Variants in MELTF observed in about 807,000 individuals in gnomAD.
MELTF encodes the protein antigen p97 (melanoma associated) identified by monoclonal antibodies 133.2 and 96.5.
A neutral mutation model predicts 83.7 loss-of-function variants in MELTF; 67 were observed. That is an observed-to-expected ratio of 0.80 (90% CI 0.66 to 0.98). The LOEUF (loss-of-function observed/expected upper bound fraction) is 0.98, where lower values mean the gene tolerates loss of function less well. Among genes scored for constraint, MELTF ranks in the 50% least tolerant of loss-of-function variants. The pLI is 0.00. For missense variants in MELTF, 1,002 were observed against 1,035.6 expected (o/e 0.97, Z 0.44); for synonymous variants, 462 against 447.6 (o/e 1.03, Z -0.41).
rs1490447860 is a variant in MELTF, at chr3:197,024,122, C to A, written c.487+181G>T. Among the ~76,000 whole-genome samples the A allele has an allele frequency of 7.6e-6, 1 of 132,314 alleles. No individual in the cohort carries two copies. Among genetic ancestry groups the A allele is most frequent in the African/African-American group, 2.8e-5 (1 of 35,858 alleles). The allele number at this position is 132,314 out of a possible 152,430, so 86.8% of individuals were successfully genotyped here. ...GGGTCCAAGCAAGCAGGAAGTCAAG[C>A]GGCGGCGCCGGCGGCAGAGTGGAGG... On this transcript the variant is annotated intron_variant, in intron 4 of 15. Coordinates refer to ENST00000296350, the MANE Select transcript of MELTF (RefSeq NM_005929.6). This position sits in a 1 kb window ranked among gnomAD's most constrained non-coding sequence, Gnocchi z 5.3.
In MELTF at chr3:197,006,016, C is replaced by A. The variant is rs894521312; in HGVS notation, c.1938+533G>T. Among the ~76,000 whole-genome samples the A allele has an allele frequency of 6.6e-6, 1 of 151,956 alleles. No individual in the cohort carries two copies. The highest frequency in any genetic ancestry group is 1.5e-5 in the Non-Finnish European group (1 of 67,960). Reference sequence around the variant, plus strand: ...TGGGCGGATCACGAGGTCAGGAGATCGAGACCATCCTGGCTAACACGGTGA... The same window carrying A: ...TGGGCGGATCACGAGGTCAGGAGATAGAGACCATCCTGGCTAACACGGTGA... On this transcript the variant is annotated intron_variant, in intron 14 of 15. Coordinates refer to ENST00000296350, the MANE Select transcript of MELTF (RefSeq NM_005929.6). The surrounding 1 kb of genome is among the most constrained non-coding windows in gnomAD (Gnocchi z 5.4).
chr3:197,008,620 C>A lies in MELTF; in HGVS notation c.1750+37G>T, dbSNP rs372133931. On this transcript the variant is annotated intron_variant, in intron 13 of 15. Coordinates refer to ENST00000296350, the MANE Select transcript of MELTF (RefSeq NM_005929.6). The surrounding 1 kb of genome is among the most constrained non-coding windows in gnomAD (Gnocchi z 5.4). Reference sequence around the variant, plus strand: ...GTGCTGAAGATGGGGAACAGTCCCCCCGACCTACCTTTGGCCCTGCTCTTG... The same window carrying A: ...GTGCTGAAGATGGGGAACAGTCCCCACGACCTACCTTTGGCCCTGCTCTTG... 183 of 1,597,720 alleles carry A rather than the reference C, an allele frequency of 1.1e-4. No homozygotes were observed. The African/African-American group carries it at 2.1e-3, about 18-fold the overall frequency.
chr3:197,025,674 G>A (rs1030716738), intron 3 of MELTF: 4 of 152,504 alleles, frequency 2.6e-5, no homozygotes, highest in Admixed American at 6.5e-5. Context: ...AGGAAGAGGT[G>A]CGTGGGGCCT....
At position 197,024,553 on chromosome 3, in the gene MELTF, G is replaced by A; in HGVS notation, c.305-68C>T. 2 of 1,413,412 alleles carry A rather than the reference G, an allele frequency of 1.4e-6. No individual in the cohort carries two copies. The highest frequency in any genetic ancestry group is 1.9e-6 in the Non-Finnish European group (2 of 1,041,180). The allele number at this position is 1,413,412 out of a possible 1,614,324, so 87.6% of individuals were successfully genotyped here. A position where few individuals can be genotyped will look rare whatever the true frequency, so the allele number is the denominator to read the frequency against. On this transcript the variant is annotated intron_variant, in intron 3 of 15. Coordinates refer to ENST00000296350, the MANE Select transcript of MELTF (RefSeq NM_005929.6). This position sits in a 1 kb window ranked among gnomAD's most constrained non-coding sequence, Gnocchi z 5.3. ...TCGAGAGAGGCTGCACCAGCACCCT[G>A]CCTGGGCGGGCTGTGGGAGAGGTGT...
At chr3:197,021,843 G>C (rs763863343) in intron 5 of MELTF, among the ~76,000 whole-genome samples, 1 of 152,168 alleles carries the variant, frequency 6.6e-6, no homozygotes, top group Non-Finnish European at 1.5e-5. Context: ...TCGGTTTTCT[G>C]TGTGTTTGTT....
intron 6 of MELTF, chr3:197,018,992 G>A (rs945545919): frequency 3.7e-5 from 36 of 985,016 alleles, no homozygotes; most frequent in Non-Finnish European, 4.1e-5. Flanking sequence ...AGACAAGGAG[G>A]AAAAAAACCT....
In MELTF at chr3:197,026,109, G is replaced by T. The variant is rs563108736; in HGVS notation, c.304+551C>A. The T allele has an allele frequency of 6.8e-4, 106 of 155,804 alleles. 2 individuals are homozygous for T. The South Asian group carries it at 0.02, about 29-fold the overall frequency. 9.7% of individuals were successfully genotyped at this position (155,804 alleles called of 1,614,324 possible). The stretch of plus-strand genomic sequence containing the variant: ...ACTTTCCAGCACATACCACATGTCA[G>T]GTGGGCACACGGCCTGGCTCATTTA... On this transcript the variant is annotated intron_variant, in intron 3 of 15. Coordinates refer to ENST00000296350, the MANE Select transcript of MELTF (RefSeq NM_005929.6).
In MELTF at chr3:197,021,398, A is replaced by G. The variant is rs1283756588; in HGVS notation, c.712+6T>C. The G allele has an allele frequency of 6.2e-7, 1 of 1,613,016 alleles. No individual in the cohort carries two copies. The highest frequency in any genetic ancestry group is 8.5e-7 in the Non-Finnish European group (1 of 1,179,730). ...TCCTCTGGGCCCGTGCCCCTCCCCC[A>G]CTCACCATCCGTGTTCTCCAGTACC... On this transcript the variant is annotated splice_donor_region_variant and intron_variant, in intron 6 of 15. Transcript: ENST00000296350.
intron 6 of MELTF, chr3:197,019,239 T>G (rs773501361): frequency 2.6e-4 from 263 of 1,017,760 alleles, no homozygotes; most frequent in Non-Finnish European, 3.0e-4. Context: ...TGGTTAGAGC[T>G]CTGGGGCATC....
At chr3:197,018,262 C>G (rs1159581095) in intron 6 of MELTF, among the ~76,000 whole-genome samples, 2 of 151,840 alleles carry the variant, frequency 1.3e-5, no homozygotes, top group African/African-American at 4.8e-5. Context: ...ATTCTCCTGC[C>G]TCAGCCTCCC....
rs760367009 is a variant in MELTF, at chr3:197,017,111, C to T, written c.892G>A (p.Glu298Lys). Residue 298 changes from glutamate to lysine, a missense_variant, in exon 7 of 16, where the codon GAA becomes AAA. Physicochemically the swap from Glu to Lys is moderately conservative, Grantham distance 56. Coordinates refer to ENST00000296350, the MANE Select transcript of MELTF (RefSeq NM_005929.6). Reference sequence around the variant, plus strand: ...GGGGACCCTGAGCCCACCTGGCCTTCGTTGAGCAGCCGGAAGATGAGGCCC... The same window carrying T: ...GGGGACCCTGAGCCCACCTGGCCTTTGTTGAGCAGCCGGAAGATGAGGCCC... ...DGGLIFRLLN[E>K]GQRLFSHEGS... 55 of 1,611,798 alleles carry T rather than the reference C, an allele frequency of 3.4e-5. No homozygotes were observed. The Middle Eastern group carries it at 6.6e-4, about 19-fold the overall frequency.
rs1435715796 is a variant in MELTF, at chr3:197,001,791, T to C, written c.*1581A>G. On this transcript the variant is annotated 3_prime_UTR_variant, in exon 16 of 16. Coordinates refer to ENST00000296350, the MANE Select transcript of MELTF (RefSeq NM_005929.6). ...TGTGCTGGCTTGTTTGGCTTTATTT[T>C]AGAAACCAACCAACATGTTTCATTA... 1 of 151,854 alleles carries C rather than the reference T, an allele frequency of 6.6e-6. No individual in the cohort carries two copies. Among genetic ancestry groups the C allele is most frequent in the African/African-American group, 2.4e-5 (1 of 41,330 alleles). 9.4% of individuals were successfully genotyped at this position (151,854 alleles called of 1,614,324 possible).
Position 197,006,816 on chromosome 3 carries a change from C to T in MELTF, c.1751-80G>A. The T allele has an allele frequency of 7.6e-7, 1 of 1,317,420 alleles. No homozygotes were observed. The highest frequency in any genetic ancestry group is 1.7e-5 in the South Asian group (1 of 57,702). 81.6% of individuals were successfully genotyped at this position (1,317,420 alleles called of 1,614,324 possible). On this transcript the variant is annotated intron_variant, in intron 13 of 15. Transcript: ENST00000296350. This position sits in a 1 kb window ranked among gnomAD's most constrained non-coding sequence, Gnocchi z 5.4. ...AAAGAGAAGCTGCTATCCTGGGACC[C>T]CAAGGCCTTCACCACAGGGAGGTGG...
intron 9 of MELTF, among the ~76,000 whole-genome samples, chr3:197,014,983 T>C (rs1009867170): frequency 6.6e-6 from 1 of 152,196 alleles, no homozygotes; most frequent in African/African-American, 2.4e-5. Flanking sequence ...CCACTCTCTA[T>C]TGCACAAGGG....
Position 197,011,288 on chromosome 3 carries a change from G to A in MELTF, c.1234-494C>T, listed in dbSNP as rs1719179046. Among the ~76,000 whole-genome samples, 1 of 152,232 alleles carries A rather than the reference G, an allele frequency of 6.6e-6. No individual in the cohort carries two copies. Among genetic ancestry groups the A allele is most frequent in the African/African-American group, 2.4e-5 (1 of 41,470 alleles). On this transcript the variant is annotated intron_variant, in intron 9 of 15. Coordinates refer to ENST00000296350, the MANE Select transcript of MELTF (RefSeq NM_005929.6). The surrounding 1 kb of genome is among the most constrained non-coding windows in gnomAD (Gnocchi z 4.2). ...CAGGGCCTGGGGAGGAGGCTTCAGG[G>A]CTGAGGGATGGAGCTCTGCCTGCGG... is the stretch of plus-strand genomic sequence containing the variant.
At chr3:197,010,598 G>T in intron 10 of MELTF, 100 bp downstream of exon 10, 1 of 985,398 alleles carries the variant, frequency 1.0e-6, no homozygotes, top group Non-Finnish European at 1.5e-6. Flanking sequence ...CCAGGAGAGA[G>T]GCATGGAGCT....
intron 5 of MELTF, among the ~76,000 whole-genome samples, chr3:197,021,946 T>C (rs1258015383): frequency 1.3e-5 from 2 of 152,170 alleles, no homozygotes; most frequent in Non-Finnish European, 2.9e-5. Context: ...TTTGACCTCT[T>C]GGGCTCAAGT....
intron 6 of MELTF, among the ~76,000 whole-genome samples, chr3:197,018,503 G>A (rs773357999): frequency 1.3e-5 from 2 of 151,644 alleles, no homozygotes; most frequent in Non-Finnish European, 2.9e-5. Flanking sequence ...CTGGAGTGCA[G>A]TGGCATGATC....
rs1718831425 is a variant in MELTF, at chr3:197,003,379, G to T, written c.2210C>A (p.Ala737Asp). The T allele has an allele frequency of 1.8e-6, 2 of 1,081,430 alleles. No homozygotes were observed. The highest frequency in any genetic ancestry group is 4.0e-4 in the Middle Eastern group (1 of 2,472). 67.0% of individuals were successfully genotyped at this position (1,081,430 alleles called of 1,614,324 possible). Reference protein sequence around the residue: ...PALAARLLPPAL With the variant: ...PALAARLLPPDL ...GGGGCGGGGCGGCCGGGCTCAGAGGGCGGGCGGGAGCAGGCGGGCGGCGAG... is the reference window on the plus strand; with the variant it reads ...GGGGCGGGGCGGCCGGGCTCAGAGGTCGGGCGGGAGCAGGCGGGCGGCGAG... The change falls in exon 16 of 16, where the codon GCC becomes GAC. Residue 737 changes from alanine to aspartate, a missense_variant. Coordinates refer to ENST00000296350, the MANE Select transcript of MELTF (RefSeq NM_005929.6). The surrounding 1 kb of genome is among the most constrained non-coding windows in gnomAD (Gnocchi z 6.2).
Sources: gnomAD v4.1 joint callset for allele counts (sites outside exome capture counted in the v4.1 genomes callset) on GRCh38, gnomAD v4.1.1 for gene constraint, Gnocchi (gnomAD v3.1) non-coding constraint, MANE v1.5 for transcripts, NCBI Gene and HGNC (gene_info 2026-07-23, HGNC 2026-07-21) for gene names.